Variants in MYO5B observed in about 807,000 individuals in gnomAD.
MYO5B encodes unconventional myosin-Vb.
A neutral mutation model predicts 229.3 loss-of-function variants in MYO5B; 143 were observed. The observed-to-expected ratio is 0.62, with a 90% confidence interval of 0.54 to 0.72. The LOEUF is 0.72. Ranked by LOEUF, MYO5B falls within the 30% of genes least tolerant of loss-of-function variation. The pLI, the probability that MYO5B is intolerant of heterozygous loss-of-function variation, is 0.00. For missense variants in MYO5B, 2,321 were observed against 2,331.0 expected, an observed-to-expected ratio of 1.00 and a Z score of 0.09; for synonymous variants, 918 against 885.2, an observed-to-expected ratio of 1.04 and a Z score of -0.66.
At chr18:50,008,598 C>T (rs1448910971) in intron 4 of MYO5B, among the ~76,000 whole-genome samples, 4 of 152,116 alleles carry the variant, frequency 2.6e-5, no homozygotes, top group African/African-American at 9.7e-5. Context: ...CTCTATTTAC[C>T]TGAATTGGAA....
chr18:50,034,024 A>G (rs535019007), intron 4 of MYO5B, among the ~76,000 whole-genome samples: 2 of 152,176 alleles, frequency 1.3e-5, no homozygotes, highest in Non-Finnish European at 2.9e-5. Context: ...ACATCAAGAA[A>G]GAAAATCCAG....
chr18:50,043,295 A>ATT (rs567007046), intron 2 of MYO5B, among the ~76,000 whole-genome samples: 17,002 of 115,598 alleles, frequency 0.15, 1,442 homozygotes, highest in South Asian at 0.21. Context: ...TATATATTAT[A>ATT]TATAATATAT....
intron 1 of MYO5B, among the ~76,000 whole-genome samples, chr18:50,111,133 A>G (rs2031857323): frequency 1.3e-5 from 2 of 152,246 alleles, no homozygotes; most frequent in Non-Finnish European, 2.9e-5. Flanking sequence ...TAATGCTCAG[A>G]TTAGCTCAAA....
chr18:50,076,748 G>T (rs2031087390), intron 1 of MYO5B, among the ~76,000 whole-genome samples: 1 of 152,182 alleles, frequency 6.6e-6, no homozygotes, highest in Non-Finnish European at 1.5e-5. Context: ...GGAAAAGCCA[G>T]AGATGCAGTC....
chr18:49,849,970 C>A (rs1419090766), intron 31 of MYO5B: 2 of 416,086 alleles, frequency 4.8e-6, no homozygotes, highest in Non-Finnish European at 9.0e-6. Flanking sequence ...CCATGCCAAC[C>A]CCCCAGGAGA....
At chr18:49,926,023 T>C (rs1262504465) in intron 17 of MYO5B, among the ~76,000 whole-genome samples, 1 of 152,190 alleles carries the variant, frequency 6.6e-6, no homozygotes, top group Non-Finnish European at 1.5e-5. Context: ...GCTATTTGTG[T>C]TCAGACCCTA....
At chr18:49,833,783 A>C (rs1401600702) in intron 39 of MYO5B, among the ~76,000 whole-genome samples, 1 of 152,198 alleles carries the variant, frequency 6.6e-6, no homozygotes, top group Non-Finnish European at 1.5e-5. Flanking sequence ...CAGATATCTC[A>C]GTGGCTTCTG....
At chr18:50,160,823 C>T (rs146257202) in intron 1 of MYO5B, among the ~76,000 whole-genome samples, 2 of 152,154 alleles carry the variant, frequency 1.3e-5, no homozygotes, top group Non-Finnish European at 2.9e-5. Flanking sequence ...CCTCCACTCT[C>T]GATTCCCTAC....
At chr18:49,854,692 AGGAACT>A (rs1463146282) in intron 30 of MYO5B, among the ~76,000 whole-genome samples, 2 of 152,236 alleles carry the variant, frequency 1.3e-5, no homozygotes, top group South Asian at 2.1e-4. Flanking sequence ...GCACACAGGT[AGGAACT>A]GGTTGTGCCT....
intron 10 of MYO5B, among the ~76,000 whole-genome samples, chr18:49,971,295 A>G (rs1172533845): frequency 6.6e-6 from 1 of 152,210 alleles, no homozygotes; most frequent in Non-Finnish European, 1.5e-5. Flanking sequence ...GCCCACTTCC[A>G]GGTAACCAAG....
intron 1 of MYO5B, among the ~76,000 whole-genome samples, chr18:50,099,782 T>C (rs2031620876): frequency 6.6e-6 from 1 of 152,226 alleles, no homozygotes; most frequent in Non-Finnish European, 1.5e-5. Flanking sequence ...CTTGTACTTA[T>C]GTTCCCCCTG....
Position 50,046,320 on chromosome 18 carries a change from T to A in MYO5B, c.139-6006A>T, listed in dbSNP as rs913391729. 3.3e-5 allele frequency among the ~76,000 whole-genome samples: 5 copies of A among 152,218 alleles called. No individual in the cohort carries two copies. In the South Asian group the frequency reaches 1.0e-3, roughly 32 times the overall value. ...TTGTTTAATTAGTCTGCCTGAAACC[T>A]AGGCTTTGCCTTTTAAGTTCTCCAG... On this transcript the variant is annotated intron_variant, in intron 2 of 39. Coordinates refer to ENST00000285039, the MANE Select transcript of MYO5B (RefSeq NM_001080467.3).
At chr18:50,060,902 A>G (rs1321058122) in intron 1 of MYO5B, among the ~76,000 whole-genome samples, 1 of 152,216 alleles carries the variant, frequency 6.6e-6, no homozygotes, top group Non-Finnish European at 1.5e-5. Flanking sequence ...CCCCAGATGA[A>G]TTCAATATGC....
At chr18:50,091,689 A>C (rs923429556) in intron 1 of MYO5B, among the ~76,000 whole-genome samples, 2 of 152,130 alleles carry the variant, frequency 1.3e-5, no homozygotes, top group Admixed American at 6.5e-5. Flanking sequence ...TTGTTTATCA[A>C]CTGAGCCACC....
intron 2 of MYO5B, among the ~76,000 whole-genome samples, chr18:50,040,995 C>T (rs751668350): frequency 1.4e-4 from 21 of 152,214 alleles, no homozygotes; most frequent in African/African-American, 4.6e-4. Context: ...TTATAACCCT[C>T]GGTACATGTA....
chr18:49,849,504 C>T (rs946335583), intron 32 of MYO5B, 63 bp downstream of exon 32: 4 of 1,175,668 alleles, frequency 3.4e-6, no homozygotes, highest in Non-Finnish European at 5.1e-6. Flanking sequence ...AGACAGCTCA[C>T]ACCCACAGGC....
chr18:50,166,010 T>C (rs1262725082), intron 1 of MYO5B, among the ~76,000 whole-genome samples: 1 of 152,214 alleles, frequency 6.6e-6, no homozygotes, highest in Non-Finnish European at 1.5e-5. Context: ...CAGTCAAGCA[T>C]GCTCCCACCA....
At chr18:50,039,810 C>A (rs111981842) in intron 3 of MYO5B, among the ~76,000 whole-genome samples, 1 of 151,900 alleles carries the variant, frequency 6.6e-6, no homozygotes, top group Non-Finnish European at 1.5e-5. Flanking sequence ...CAAAACAAAA[C>A]AAGGGTTCGG....
At chr18:49,961,474 C>A (rs1325040810) in intron 12 of MYO5B, among the ~76,000 whole-genome samples, 1 of 152,246 alleles carries the variant, frequency 6.6e-6, no homozygotes, top group African/African-American at 2.4e-5. Flanking sequence ...AACCATCAAG[C>A]CACACTTAAG....
Sources: gnomAD v4.1 joint callset for allele counts (sites outside exome capture counted in the v4.1 genomes callset) on GRCh38, gnomAD v4.1.1 for gene constraint, MANE v1.5 for transcripts, NCBI Gene and HGNC (gene_info 2026-07-23, HGNC 2026-07-21) for gene names.